Variants in RGL1 observed in about 807,000 individuals in gnomAD.
RGL1 encodes ral guanine nucleotide dissociation stimulator-like 1.
RGL1 carries 24 observed loss-of-function variants against 95.2 expected under a neutral mutation model. The observed-to-expected ratio is 0.25, with a 90% CI of 0.18 to 0.35. RGL1 has a LOEUF of 0.35. RGL1 is among the 10% of genes least tolerant of loss of function. RGL1 has a pLI of 1.00. For missense variants in RGL1, 715 were observed against 936.3 expected (o/e 0.76, Z 3.08); for synonymous variants, 329 against 344.9 (o/e 0.95, Z 0.51).
At chr1:183,800,065 G>C (rs140724915) in intron 2 of RGL1, among the ~76,000 whole-genome samples, 3 of 152,118 alleles carry the variant, frequency 2.0e-5, no homozygotes, top group Non-Finnish European at 2.9e-5. Context: ...ACTCTTGGTT[G>C]GCAAGTCATC....
chr1:183,793,623 A>G (rs1329795929), intron 2 of RGL1, among the ~76,000 whole-genome samples: 1 of 152,164 alleles, frequency 6.6e-6, no homozygotes, highest in Non-Finnish European at 1.5e-5. Context: ...AAGGCTCTGA[A>G]CAGACATTTC....
At chr1:183,881,767 A>C (rs11585126) in intron 5 of RGL1, among the ~76,000 whole-genome samples, 3 of 152,066 alleles carry the variant, frequency 2.0e-5, no homozygotes, top group Non-Finnish European at 4.4e-5. Flanking sequence ...GGGAAATGCA[A>C]TTGCATCATT....
chr1:183,881,534 T>G (rs572600257), intron 5 of RGL1, among the ~76,000 whole-genome samples: 1 of 152,180 alleles, frequency 6.6e-6, no homozygotes, highest in Non-Finnish European at 1.5e-5. Flanking sequence ...TCCAGTGTGA[T>G]GTTGTATCCT....
chr1:183,707,614 C>T (rs915580195), intron 1 of RGL1, among the ~76,000 whole-genome samples: 7 of 151,574 alleles, frequency 4.6e-5, no homozygotes, highest in African/African-American at 1.2e-4. Flanking sequence ...AAGATAGGGG[C>T]GTAAGGTGGC....
intron 1 of RGL1, among the ~76,000 whole-genome samples, chr1:183,741,193 G>C (rs1438057519): frequency 1.3e-5 from 2 of 152,216 alleles, no homozygotes; most frequent in African/African-American, 2.4e-5. Context: ...CTTGGATGCT[G>C]TGTGAAGGAA....
intron 1 of RGL1, among the ~76,000 whole-genome samples, chr1:183,651,037 C>T (rs1334104311): frequency 6.6e-6 from 1 of 152,160 alleles, no homozygotes; most frequent in Non-Finnish European, 1.5e-5. Context: ...AAATCTGCCA[C>T]ATTTGCTGCT....
chr1:183,812,115 C>G (rs148965041), intron 2 of RGL1, among the ~76,000 whole-genome samples: 15 of 152,218 alleles, frequency 9.9e-5, no homozygotes, highest in Non-Finnish European at 2.1e-4. Flanking sequence ...GACTGTCTTA[C>G]GTATTTTATG....
chr1:183,762,593 G>A (rs1272061191), intron 2 of RGL1, among the ~76,000 whole-genome samples: 9 of 152,168 alleles, frequency 5.9e-5, no homozygotes, highest in Admixed American at 5.9e-4. Context: ...ATGCGGGGTT[G>A]CCACAAACCT....
At chr1:183,792,342 TA>T (rs1473259060) in intron 2 of RGL1, among the ~76,000 whole-genome samples, 1 of 152,146 alleles carries the variant, frequency 6.6e-6, no homozygotes, top group Non-Finnish European at 1.5e-5. Context: ...TACATTACTG[TA>T]ATATCCTCTT....
intron 1 of RGL1, among the ~76,000 whole-genome samples, chr1:183,719,966 T>A (rs553535620): frequency 6.6e-6 from 1 of 152,062 alleles, no homozygotes; most frequent in East Asian, 1.9e-4. Flanking sequence ...TAACATGGTC[T>A]GGTGAGGTGA....
In RGL1 at chr1:183,724,850, C is replaced by T. The variant is rs1656218777; in HGVS notation, c.-32-17276C>T. Among the ~76,000 whole-genome samples the T allele has an allele frequency of 6.6e-6, 1 of 151,968 alleles. No individual in the cohort carries two copies. Among genetic ancestry groups the T allele is most frequent in the African/African-American group, 2.4e-5 (1 of 41,358 alleles). On this transcript the variant is annotated intron_variant, in intron 1 of 18. Coordinates refer to the RGL1 transcript ENST00000304685. The surrounding 1 kb of genome is among the most constrained non-coding windows in gnomAD (Gnocchi z 4.1). ...GGCAGTAGGCAGATAGTGGTTATAG[C>T]AGGCTTTGAGCGAGGCCCAGAGCTC...
intron 1 of RGL1, chr1:183,648,779 C>T (rs1650506369): frequency 1.3e-6 from 2 of 1,585,808 alleles, no homozygotes; most frequent in African/African-American, 2.7e-5. Context: ...ATATGGGCTC[C>T]ATTGCTAGAT....
intron 2 of RGL1, among the ~76,000 whole-genome samples, chr1:183,768,262 T>G (rs1659087240): frequency 6.6e-6 from 1 of 152,050 alleles, no homozygotes; most frequent in Non-Finnish European, 1.5e-5. Flanking sequence ...TTATTTTATT[T>G]TAGGACAAAA....
chr1:183,836,293 C>T (rs953340276), intron 2 of RGL1, among the ~76,000 whole-genome samples: 2 of 151,956 alleles, frequency 1.3e-5, no homozygotes, highest in Non-Finnish European at 1.5e-5. Context: ...TCTTGTTGCC[C>T]AGGTTGGAGT....
chr1:183,887,909 A>G (rs181554564), intron 7 of RGL1, among the ~76,000 whole-genome samples: 25 of 152,334 alleles, frequency 1.6e-4, no homozygotes, highest in Admixed American at 1.4e-3. Flanking sequence ...TTGCAGGACA[A>G]GCCAATTTGA....
At chr1:183,649,560 G>A (rs1342643021) in intron 1 of RGL1, among the ~76,000 whole-genome samples, 2 of 152,270 alleles carry the variant, frequency 1.3e-5, no homozygotes, top group Admixed American at 6.5e-5. Flanking sequence ...TCTTAGGAAA[G>A]TGCCACTTGA....
chr1:183,775,556 A>C (rs2102341337), intron 2 of RGL1, among the ~76,000 whole-genome samples: 1 of 152,380 alleles, frequency 6.6e-6, no homozygotes. Flanking sequence ...ATGAAGAGAA[A>C]AGCCCATGGA....
chr1:183,705,858 C>G (rs1654881453), intron 1 of RGL1, among the ~76,000 whole-genome samples: 1 of 152,028 alleles, frequency 6.6e-6, no homozygotes, highest in South Asian at 2.1e-4. Context: ...AGGTGACTGA[C>G]AAGGAGGTGA....
chr1:183,653,479 A>T (rs1378492946), intron 1 of RGL1, among the ~76,000 whole-genome samples: 1 of 152,238 alleles, frequency 6.6e-6, no homozygotes, highest in Non-Finnish European at 1.5e-5. Flanking sequence ...GTTGAAGAGA[A>T]CATGTTGCAG....
Sources: allele counts gnomAD v4.1 joint callset (sites outside exome capture counted in the v4.1 genomes callset), GRCh38; gene constraint gnomAD v4.1.1; non-coding constraint Gnocchi (gnomAD v3.1); transcripts MANE v1.5; gene names NCBI Gene and HGNC (gene_info 2026-07-23, HGNC 2026-07-21).